Variants in CDK6 observed in about 807,000 individuals in gnomAD.
CDK6 encodes the protein cyclin dependent kinase 6, also known as cyclin-dependent kinase 6.
A neutral mutation model predicts 37.1 loss-of-function variants in CDK6; 6 were observed. The observed-to-expected ratio is 0.16, with a 90% CI of 0.09 to 0.32. The LOEUF (loss-of-function observed/expected upper bound fraction) is 0.32. CDK6 is among the 10% of genes least tolerant of loss of function. The probability of loss-of-function intolerance (pLI) is 1.00; values close to 1 mark genes in which losing one functional copy is unlikely to be tolerated. For missense variants in CDK6, 224 were observed against 418.9 expected (o/e 0.53, Z 4.06); for synonymous variants, 160 against 161.3 (o/e 0.99, Z 0.06).
chr7:92,672,242 C>CACACACACACACAT lies in CDK6; in HGVS notation c.538-708_538-707insATGTGTGTGTGTGT, dbSNP rs1374477819. 4.3e-3 allele frequency among the ~76,000 whole-genome samples: 504 copies of CACACACACACACAT among 116,300 alleles called. 10 individuals are homozygous for CACACACACACACAT. Among genetic ancestry groups the CACACACACACACAT allele is most frequent in the African/African-American group, 0.016 (376 of 22,998 alleles). 76.3% of individuals were successfully genotyped at this position (116,300 alleles called of 152,430 possible). On this transcript the variant is annotated intron_variant, in intron 4 of 7. Transcript: ENST00000424848. ...ACACACACACACACACACACACACA[C>CACACACACACACAT]ATATATGAAGATGGTGCCAGGGCTG...
At chr7:92,636,969 T>C (rs999779533) in intron 5 of CDK6, among the ~76,000 whole-genome samples, 3 of 152,204 alleles carry the variant, frequency 2.0e-5, no homozygotes, top group South Asian at 2.1e-4. Context: ...CCCAGCCCGA[T>C]TGTATTTTCC....
chr7:92,753,131 T>C (rs1157919613), intron 3 of CDK6, among the ~76,000 whole-genome samples: 4 of 152,146 alleles, frequency 2.6e-5, no homozygotes, highest in African/African-American at 9.7e-5. Flanking sequence ...CTGTGAATAC[T>C]GAAGCATATG....
At chr7:92,713,490 T>C (rs1339019741) in intron 4 of CDK6, among the ~76,000 whole-genome samples, 2 of 152,018 alleles carry the variant, frequency 1.3e-5, no homozygotes, top group East Asian at 3.8e-4. Context: ...ATTAAAAATG[T>C]TCCCTGACTT....
At chr7:92,727,445 G>T (rs910653412) in intron 3 of CDK6, among the ~76,000 whole-genome samples, 1 of 152,184 alleles carries the variant, frequency 6.6e-6, no homozygotes, top group Non-Finnish European at 1.5e-5. Context: ...ATAAAGTGGA[G>T]AAAGTAGCGA....
At chr7:92,804,443 C>T (rs1299899643) in intron 2 of CDK6, among the ~76,000 whole-genome samples, 1 of 152,176 alleles carries the variant, frequency 6.6e-6, no homozygotes, top group Non-Finnish European at 1.5e-5. Flanking sequence ...TCTTTAACTC[C>T]GTCCATTTCA....
chr7:92,658,601 C>G (rs1056087395), intron 5 of CDK6, among the ~76,000 whole-genome samples: 2 of 152,048 alleles, frequency 1.3e-5, no homozygotes, highest in Admixed American at 1.3e-4. Context: ...CTCTCTCTCT[C>G]TCTCTCATTT....
In CDK6 at chr7:92,779,930, A is replaced by G. The variant is rs538033757; in HGVS notation, c.234-5099T>C. ...TCCCTCTGGAATTGCCCCAAATCAAATAATAGTCACTTTGGTGGGCAATAA... is the reference window on the plus strand; with the variant it reads ...TCCCTCTGGAATTGCCCCAAATCAAGTAATAGTCACTTTGGTGGGCAATAA... On this transcript the variant is annotated intron_variant, in intron 2 of 7. Coordinates refer to ENST00000424848, the MANE Select transcript of CDK6 (RefSeq NM_001145306.2). Among the ~76,000 whole-genome samples the G allele has an allele frequency of 6.6e-5, 10 of 152,328 alleles. No homozygotes were observed. In the South Asian group the frequency reaches 2.1e-3, roughly 32 times the overall value.
chr7:92,809,031 G>GT (rs1800806955), intron 2 of CDK6, among the ~76,000 whole-genome samples: 1 of 152,022 alleles, frequency 6.6e-6, no homozygotes, highest in South Asian at 2.1e-4. Flanking sequence ...ATAAATATTT[G>GT]TATTTTAAAT....
intron 4 of CDK6, among the ~76,000 whole-genome samples, chr7:92,692,360 T>C (rs1797617601): frequency 6.6e-6 from 1 of 152,226 alleles, no homozygotes; most frequent in African/African-American, 2.4e-5. Context: ...CAATAGTCCA[T>C]GTGCTAATTA....
At chr7:92,628,648 G>C (rs1274922369) in intron 5 of CDK6, among the ~76,000 whole-genome samples, 1 of 152,040 alleles carries the variant, frequency 6.6e-6, no homozygotes, top group Non-Finnish European at 1.5e-5. Flanking sequence ...AGTGCAAGCA[G>C]GTGTATCTGC....
chr7:92,655,044 C>T (rs898764844), intron 5 of CDK6, among the ~76,000 whole-genome samples: 2 of 149,732 alleles, frequency 1.3e-5, no homozygotes, highest in African/African-American at 4.9e-5. Flanking sequence ...CAGAGTCTCC[C>T]TATGTTGCCT....
Position 92,821,792 on chromosome 7 carries a change from C to T in CDK6, c.233+11299G>A, listed in dbSNP as rs145973330. ...TTATCAGTGATGTCACAACCCATTA[C>T]GTGATCACAATCAGCTGTTCTAAGC... On this transcript the variant is annotated intron_variant, in intron 2 of 7. Coordinates refer to ENST00000424848, the MANE Select transcript of CDK6 (RefSeq NM_001145306.2). Among the ~76,000 whole-genome samples, 381 of 151,850 alleles carry T rather than the reference C, an allele frequency of 2.5e-3. 2 individuals carry two copies. Among genetic ancestry groups the T allele is most frequent in the African/African-American group, 8.8e-3 (364 of 41,394 alleles).
rs78367004 is a variant in CDK6 at position 92,723,533 on chromosome 7, T to C, written c.537+2093A>G. ...AAGTTTTTATGTCACCATGTGTATA[T>C]AAATCGACGCATTACTATATTAAAT... On this transcript the variant is annotated intron_variant, in intron 4 of 7. Transcript: ENST00000424848. Among the ~76,000 whole-genome samples, 1,022 of 152,320 alleles carry C rather than the reference T, an allele frequency of 6.7e-3. 18 individuals are homozygous for C. Among genetic ancestry groups the C allele is most frequent in the African/African-American group, 0.024 (978 of 41,572 alleles).
intron 5 of CDK6, among the ~76,000 whole-genome samples, chr7:92,643,414 C>T (rs1479967597): frequency 2.0e-5 from 3 of 152,216 alleles, no homozygotes; most frequent in Non-Finnish European, 4.4e-5. Context: ...TATCACTATG[C>T]TGAGTGTAGG....
intron 2 of CDK6, among the ~76,000 whole-genome samples, chr7:92,811,215 AT>A (rs1442539177): frequency 2.1e-4 from 32 of 152,300 alleles, no homozygotes; most frequent in African/African-American, 7.7e-4. Context: ...CTCATTGGAC[AT>A]TCTTCAGCTA....
At chr7:92,631,943 T>C (rs1208755076) in intron 5 of CDK6, among the ~76,000 whole-genome samples, 1 of 152,124 alleles carries the variant, frequency 6.6e-6, no homozygotes, top group Non-Finnish European at 1.5e-5. Flanking sequence ...AATTAGAAAA[T>C]ACAAAAGTAA....
At chr7:92,831,327 G>A (rs1472582076) in intron 2 of CDK6, among the ~76,000 whole-genome samples, 2 of 152,192 alleles carry the variant, frequency 1.3e-5, no homozygotes, top group Admixed American at 6.5e-5. Context: ...TTATACAGGG[G>A]TGCCTCTGTA....
At chr7:92,821,820 A>G (rs1016224732) in intron 2 of CDK6, among the ~76,000 whole-genome samples, 3 of 152,040 alleles carry the variant, frequency 2.0e-5, no homozygotes, top group Non-Finnish European at 4.4e-5. Context: ...TTCTAAGCAG[A>G]GGAGGAAGGT....
chr7:92,755,503 A>G (rs578084048), intron 3 of CDK6, among the ~76,000 whole-genome samples: 1 of 152,248 alleles, frequency 6.6e-6, no homozygotes, highest in African/African-American at 2.4e-5. Context: ...AGGGGCCCAC[A>G]GCTCTATTCA....
Sources: allele counts gnomAD v4.1 joint callset (sites outside exome capture counted in the v4.1 genomes callset), GRCh38; gene constraint gnomAD v4.1.1; transcripts MANE v1.5; gene names NCBI Gene and HGNC (gene_info 2026-07-23, HGNC 2026-07-21).